The following GPATCH8 variants were observed in gnomAD, a reference collection of about 807,000 sequenced individuals.
GPATCH8 encodes the protein G-patch domain containing 8.
GPATCH8 carries 18 observed loss-of-function variants against 118.3 expected under a neutral mutation model. That is an observed-to-expected ratio of 0.15 (90% CI 0.11 to 0.23). The LOEUF (loss-of-function observed/expected upper bound fraction) is 0.23. Among genes scored for constraint, GPATCH8 ranks in the 10% least tolerant of loss-of-function variants. The probability of loss-of-function intolerance (pLI) is 1.00; values close to 1 mark genes in which losing one functional copy is unlikely to be tolerated. For synonymous variants in GPATCH8, 659 were observed against 684.7 expected, an observed-to-expected ratio of 0.96 and a Z score of 0.59; for missense variants, 1,631 against 1,873.8, an observed-to-expected ratio of 0.87 and a Z score of 2.39.
intron 1 of GPATCH8, among the ~76,000 whole-genome samples, chr17:44,499,106 C>T (rs1200200024): frequency 1.3e-5 from 2 of 152,168 alleles, no homozygotes; most frequent in Non-Finnish European, 2.9e-5. Context: ...TTTAACATAG[C>T]ATGTCTTGTT....
intron 4 of GPATCH8, 124 bp downstream of exon 4, chr17:44,436,353 TC>T (rs1352481652): frequency 1.0e-5 from 7 of 698,912 alleles, no homozygotes; most frequent in African/African-American, 1.8e-5. Context: ...TTTTTAGTCA[TC>T]CAAAGAAAAA....
At chr17:44,449,483 G>A (rs537640718) in intron 3 of GPATCH8, among the ~76,000 whole-genome samples, 2 of 150,380 alleles carry the variant, frequency 1.3e-5, no homozygotes, top group African/African-American at 2.4e-5. Flanking sequence ...GGTTACAGGC[G>A]TGAGCCCCTG....
chr17:44,442,464 C>T (rs1169588862), intron 3 of GPATCH8, among the ~76,000 whole-genome samples: 1 of 152,112 alleles, frequency 6.6e-6, no homozygotes, highest in Non-Finnish European at 1.5e-5. Context: ...CAAAAAGTCA[C>T]AAAATCCATG....
Position 44,398,540 on chromosome 17 carries a change from C to T in GPATCH8, c.3537G>A (p.Glu1179=), listed in dbSNP as rs938349289. ...GGGCATCACTACTCCCTGGGGGCCCCTCTTCTGTCTCTGACTGTTCTTGCT... is the reference window on the plus strand; with the variant it reads ...GGGCATCACTACTCCCTGGGGGCCCTTCTTCTGTCTCTGACTGTTCTTGCT... ...GEEQEQSETE[E]GPPGSSDALF... The change falls in exon 8 of 8, where the codon GAG becomes GAA. Residue 1179 remains glutamate, a synonymous_variant. Transcript: ENST00000591680. The T allele has an allele frequency of 6.3e-7, 1 of 1,589,762 alleles. No individual in the cohort carries two copies.
In GPATCH8 at chr17:44,398,824, T is replaced by C. The variant is rs763908352; in HGVS notation, c.3253A>G (p.Lys1085Glu). ...GSEGDCSPED[K>E]NSVTAKLLLE... is the part of the protein sequence containing the mutation. Reference sequence around the variant, plus strand: ...AGCAGTTTGGCAGTGACAGAGTTCTTGTCTTCAGGACTGCAGTCACCTTCT... The same window carrying C: ...AGCAGTTTGGCAGTGACAGAGTTCTCGTCTTCAGGACTGCAGTCACCTTCT... Residue 1085 changes from lysine (K) to glutamate (E), a missense_variant, in exon 8 of 8, where the codon AAG becomes GAG. Physicochemically the swap from Lys to Glu is moderately conservative, Grantham distance 56. Around this residue, in one of 8 missense-constraint regions of GPATCH8, gnomAD observed 922 missense variants for 879.7 expected, o/e 1.05. Coordinates refer to ENST00000591680, the MANE Select transcript of GPATCH8 (RefSeq NM_001002909.4). 20 of 1,613,974 alleles carry C rather than the reference T, an allele frequency of 1.2e-5. No individual in the cohort carries two copies. In the Admixed American group the frequency reaches 2.0e-4, roughly 16 times the overall value.
intron 2 of GPATCH8, chr17:44,474,481 C>T (rs1157258437): frequency 9.1e-6 from 3 of 330,018 alleles, no homozygotes; most frequent in African/African-American, 4.3e-5. Flanking sequence ...ATTATATTGC[C>T]CAAGAAAGGT....
At chr17:44,491,317 T>C (rs1453445455) in intron 1 of GPATCH8, among the ~76,000 whole-genome samples, 1 of 151,960 alleles carries the variant, frequency 6.6e-6, no homozygotes, top group Non-Finnish European at 1.5e-5. Flanking sequence ...GGTGAAACCC[T>C]GTCTCTACTA....
intron 1 of GPATCH8, among the ~76,000 whole-genome samples, chr17:44,485,296 G>C (rs1453228076): frequency 6.6e-6 from 1 of 151,898 alleles, no homozygotes; most frequent in Non-Finnish European, 1.5e-5. Context: ...ATTTTTTTTT[G>C]TAGACTTGGA....
chr17:44,474,920 A>G lies in GPATCH8; in HGVS notation c.46-17T>C, dbSNP rs763322594. On this transcript the variant is annotated splice_polypyrimidine_tract_variant and intron_variant, in intron 1 of 7. Coordinates refer to ENST00000591680, the MANE Select transcript of GPATCH8 (RefSeq NM_001002909.4). Reference sequence around the variant, plus strand: ...GTGATTACCCTGAAAAAAGATGATTACAGTTATTTTTCAAAAGCAGTTAAG... The same window carrying G: ...GTGATTACCCTGAAAAAAGATGATTGCAGTTATTTTTCAAAAGCAGTTAAG... 3.0e-6 allele frequency: 4 copies of G among 1,326,762 alleles called. No homozygotes were observed. The South Asian group carries it at 3.5e-5, about 12-fold the overall frequency. The allele number at this position is 1,326,762 out of a possible 1,614,324, so 82.2% of individuals were successfully genotyped here. A position where few individuals can be genotyped will look rare whatever the true frequency, so the allele number is the denominator to read the frequency against.
Position 44,398,399 on chromosome 17 carries a change from G to A in GPATCH8, c.3678C>T (p.Thr1226=). The change falls in exon 8 of 8, where the codon ACC becomes ACT. Residue 1226 remains threonine (T), a synonymous_variant. Coordinates refer to ENST00000591680, the MANE Select transcript of GPATCH8 (RefSeq NM_001002909.4). ...TADHPVAPLG[T]PAHSDCYPGD... ...CAGGGTAGCAGTCAGAATGTGCTGGGGTGCCTAGTGGAGCCACAGGGTGAT... is the reference window on the plus strand; with the variant it reads ...CAGGGTAGCAGTCAGAATGTGCTGGAGTGCCTAGTGGAGCCACAGGGTGAT... The A allele has an allele frequency of 2.5e-6, 4 of 1,613,972 alleles. No individual in the cohort carries two copies. The highest frequency in any genetic ancestry group is 3.4e-6 in the Non-Finnish European group (4 of 1,179,904).
chr17:44,466,418 G>A (rs1411356231), intron 2 of GPATCH8, among the ~76,000 whole-genome samples: 1 of 152,158 alleles, frequency 6.6e-6, no homozygotes, highest in Non-Finnish European at 1.5e-5. Context: ...TGTGCTGCAA[G>A]TTATTTTTGC....
intron 3 of GPATCH8, among the ~76,000 whole-genome samples, chr17:44,453,840 A>G (rs1341306340): frequency 6.6e-6 from 1 of 151,980 alleles, no homozygotes; most frequent in African/African-American, 2.4e-5. Flanking sequence ...GCCTAGTTAC[A>G]GTTTTTAAAC....
In GPATCH8 at chr17:44,399,651, T is replaced by C. The variant is rs1598401289; in HGVS notation, c.2426A>G (p.His809Arg). 1.2e-6 allele frequency: 2 copies of C among 1,614,250 alleles called. No homozygotes were observed. The highest frequency in any genetic ancestry group is 8.5e-7 in the Non-Finnish European group (1 of 1,180,034). ...ATCTCCACTACTGGGTTGGCTCCGA[T>C]GGCTAGACCGGCTGCTCCGTTTGGT... is the stretch of plus-strand genomic sequence containing the variant. ...AGTKRSSRSS[H>R]RSQPSSGDED... is the part of the protein sequence containing the mutation. Residue 809 changes from histidine (H) to arginine (R), a missense_variant, in exon 8 of 8, where the codon CAT becomes CGT. His to Arg is a conservative substitution (Grantham distance 29, BLOSUM62 0). Transcript: ENST00000591680.
chr17:44,416,441 T>C (rs1051549228), intron 6 of GPATCH8, among the ~76,000 whole-genome samples: 3 of 152,166 alleles, frequency 2.0e-5, no homozygotes, highest in Non-Finnish European at 4.4e-5. Context: ...TGCTAAATTT[T>C]TGGAAGACTG....
chr17:44,476,208 A>AC (rs917256858), intron 1 of GPATCH8, among the ~76,000 whole-genome samples: 9 of 150,620 alleles, frequency 6.0e-5, no homozygotes, highest in Admixed American at 1.3e-4. Context: ...ACGCTGTTTT[A>AC]CCTTTTTTTT....
At chr17:44,416,965 G>A (rs1186393567) in intron 6 of GPATCH8, among the ~76,000 whole-genome samples, 4 of 152,092 alleles carry the variant, frequency 2.6e-5, no homozygotes, top group Admixed American at 2.0e-4. Flanking sequence ...AGGTATTTTA[G>A]CAGAAAGAAG....
chr17:44,475,001 T>A (rs1250610994), intron 1 of GPATCH8, 98 bp from the exon 2 acceptor site: 2 of 703,036 alleles, frequency 2.8e-6, no homozygotes, highest in Non-Finnish European at 2.6e-6. Flanking sequence ...CTTTTCTTTT[T>A]TTTTTTTAAC....
intron 3 of GPATCH8, among the ~76,000 whole-genome samples, chr17:44,459,248 T>C (rs2051455747): frequency 6.6e-6 from 1 of 152,198 alleles, no homozygotes; most frequent in African/African-American, 2.4e-5. Flanking sequence ...ATATTAACTA[T>C]TACTGTTGTT....
At position 44,400,148 on chromosome 17, in the gene GPATCH8, G is replaced by T; in HGVS notation, c.1929C>A (p.Asn643Lys). The change falls in exon 8 of 8, where the codon AAC becomes AAA. Residue 643 changes from asparagine (N) to lysine (K), a missense_variant. Physicochemically the swap from Asn to Lys is moderately conservative, Grantham distance 94. This residue lies in a region of GPATCH8 where 922 missense variants were observed against 879.7 expected (regional missense o/e 1.05). Coordinates refer to ENST00000591680, the MANE Select transcript of GPATCH8 (RefSeq NM_001002909.4). ...CATGGCTACCCCCAGGCTCCTGCTTGTTCAGGCCGCTACAGGCAGACCCTG... is the reference window on the plus strand; with the variant it reads ...CATGGCTACCCCCAGGCTCCTGCTTTTTCAGGCCGCTACAGGCAGACCCTG... ...PASGSACSGL[N>K]KQEPGGSHGS... 1 of 1,613,978 alleles carries T rather than the reference G, an allele frequency of 6.2e-7. No homozygotes were observed. Among genetic ancestry groups the T allele is most frequent in the Non-Finnish European group, 8.5e-7 (1 of 1,179,990 alleles).
Sources: gnomAD v4.1 joint callset for allele counts (sites outside exome capture counted in the v4.1 genomes callset) on GRCh38, gnomAD v4.1.1 for gene constraint, gnomAD v4.1.1 regional missense constraint, MANE v1.5 for transcripts, NCBI Gene and HGNC (gene_info 2026-07-23, HGNC 2026-07-21) for gene names.